PTPRN2: variants seen among roughly 807,000 people sequenced by gnomAD.
The protein encoded by PTPRN2 is receptor-type tyrosine-protein phosphatase N2.
Under a neutral mutation model 118.8 loss-of-function variants are expected in PTPRN2, and 74 were observed. That is an observed-to-expected ratio of 0.62 (90% CI 0.52 to 0.76). The LOEUF (loss-of-function observed/expected upper bound fraction) is 0.76, where lower values mean the gene tolerates loss of function less well. Ranked by LOEUF, PTPRN2 falls within the 30% of genes least tolerant of loss-of-function variation. The probability of loss-of-function intolerance (pLI) is 0.00; values close to 1 mark genes in which losing one functional copy is unlikely to be tolerated. For synonymous variants in PTPRN2, 641 were observed against 608.0 expected (o/e 1.05, Z -0.80); for missense variants, 1,481 against 1,394.4 (o/e 1.06, Z -0.99).
chr7:158,171,342 T>TAC (rs1823680725), intron 5 of PTPRN2, among the ~76,000 whole-genome samples: 6 of 124,862 alleles, frequency 4.8e-5, no homozygotes, highest in African/African-American at 1.6e-4. Context: ...TATATATATA[T>TAC]ATATATACAC....
chr7:157,575,254 T>A (rs777496207), intron 19 of PTPRN2, among the ~76,000 whole-genome samples: 1 of 152,252 alleles, frequency 6.6e-6, no homozygotes, highest in African/African-American at 2.4e-5. Flanking sequence ...GAAGACTCTA[T>A]TTCAGGAAAT....
At chr7:158,245,128 C>T (rs138793451) in intron 3 of PTPRN2, among the ~76,000 whole-genome samples, 21 of 152,310 alleles carry the variant, frequency 1.4e-4, no homozygotes, top group African/African-American at 3.4e-4. Flanking sequence ...ATGGTCATGC[C>T]GGAATCCGTG....
At chr7:158,504,294 C>A (rs2064121191) in intron 1 of PTPRN2, among the ~76,000 whole-genome samples, 1 of 152,116 alleles carries the variant, frequency 6.6e-6, no homozygotes, top group Admixed American at 6.5e-5. Flanking sequence ...CAGAGCATCC[C>A]CTCACCTGGG....
rs866614379 is a variant in PTPRN2, at chr7:157,866,820, G to A, written c.1788+31853C>T. Among the ~76,000 whole-genome samples the A allele has an allele frequency of 3.3e-3, 293 of 89,766 alleles. 6 individuals are homozygous for A. Among genetic ancestry groups the A allele is most frequent in the African/African-American group, 0.013 (270 of 21,400 alleles). The allele number at this position is 89,766 out of a possible 152,430, so 58.9% of individuals were successfully genotyped here. On this transcript the variant is annotated intron_variant, in intron 12 of 22. Transcript: ENST00000389418. Reference sequence around the variant, plus strand: ...CCCGCCCCCGACGCCCTGGATACATGGCCACCACCGCCCCCCCCCGACGCC... The same window carrying A: ...CCCGCCCCCGACGCCCTGGATACATAGCCACCACCGCCCCCCCCCGACGCC...
chr7:157,708,788 C>CTA (rs1382292220), intron 12 of PTPRN2, among the ~76,000 whole-genome samples: 7 of 152,068 alleles, frequency 4.6e-5, no homozygotes, highest in Admixed American at 4.6e-4. Flanking sequence ...CAAAGAATGG[C>CTA]TATAATCACC....
chr7:158,002,838 G>C (rs1227589802), intron 11 of PTPRN2, among the ~76,000 whole-genome samples: 1 of 152,218 alleles, frequency 6.6e-6, no homozygotes, highest in Admixed American at 6.5e-5. Context: ...AACAAGCCCC[G>C]TGAGGTGGGG....
chr7:158,549,040 G>C (rs1826473536), intron 1 of PTPRN2, among the ~76,000 whole-genome samples: 2 of 152,202 alleles, frequency 1.3e-5, no homozygotes, highest in Admixed American at 1.3e-4. Flanking sequence ...AGACAGCAGT[G>C]CCACCCCAGG....
intron 3 of PTPRN2, among the ~76,000 whole-genome samples, chr7:158,270,149 C>A (rs975788596): frequency 6.6e-6 from 1 of 152,226 alleles, no homozygotes; most frequent in African/African-American, 2.4e-5. Flanking sequence ...AGGACAGACG[C>A]CCCACAGCAA....
intron 12 of PTPRN2, among the ~76,000 whole-genome samples, chr7:157,896,997 CA>C (rs1224352983): frequency 6.6e-6 from 1 of 152,132 alleles, no homozygotes; most frequent in Non-Finnish European, 1.5e-5. Context: ...CCCACCTCCC[CA>C]CCCACCACAG....
At chr7:157,939,543 C>T (rs941820157) in intron 11 of PTPRN2, among the ~76,000 whole-genome samples, 16 of 152,252 alleles carry the variant, frequency 1.1e-4, no homozygotes, top group Non-Finnish European at 7.3e-5. Context: ...CAGCCACATC[C>T]CCAGTGGGGC....
intron 11 of PTPRN2, among the ~76,000 whole-genome samples, chr7:157,941,229 C>T (rs1175809092): frequency 1.2e-5 from 1 of 82,532 alleles, no homozygotes; most frequent in Non-Finnish European, 2.1e-5. Context: ...GCAAATCTAA[C>T]ACCCTCCCCA....
intron 12 of PTPRN2, chr7:157,857,996 C>T (rs1809852141): frequency 3.2e-5 from 5 of 156,002 alleles, no homozygotes; most frequent in Admixed American, 6.5e-5. Flanking sequence ...AGCCCTTTGT[C>T]GGGGGGCCTG....
intron 3 of PTPRN2, among the ~76,000 whole-genome samples, chr7:158,233,659 CCAAAGCAATCCTGA>C (rs529914762): frequency 1.5e-3 from 222 of 152,188 alleles, no homozygotes; most frequent in African/African-American, 5.1e-3. Context: ...CCCCAAATAC[CCAAAGCAATCCTGA>C]GCAAAAATAA....
intron 12 of PTPRN2, among the ~76,000 whole-genome samples, chr7:157,878,160 A>G (rs1795892600): frequency 6.6e-6 from 1 of 152,166 alleles, no homozygotes; most frequent in Admixed American, 6.5e-5. Context: ...TCCCCAAAAG[A>G]TACCCTCTTG....
At chr7:158,200,134 C>T (rs575365379) in intron 4 of PTPRN2, among the ~76,000 whole-genome samples, 6 of 152,270 alleles carry the variant, frequency 3.9e-5, no homozygotes, top group South Asian at 4.1e-4. Flanking sequence ...ACTCGCCCTC[C>T]GACCTGACCC....
chr7:158,194,911 C>T (rs1260088700), intron 4 of PTPRN2, among the ~76,000 whole-genome samples: 1 of 152,032 alleles, frequency 6.6e-6, no homozygotes, highest in Non-Finnish European at 1.5e-5. Flanking sequence ...AGCTCTGATG[C>T]GGTGTTGACA....
intron 2 of PTPRN2, among the ~76,000 whole-genome samples, chr7:158,369,040 A>C (rs567211925): frequency 8.4e-4 from 128 of 152,228 alleles, no homozygotes; most frequent in African/African-American, 2.9e-3. Flanking sequence ...AGTCGCTGGC[A>C]TGGCCAGAAT....
chr7:158,279,712 C>G (rs1799282065), intron 3 of PTPRN2, among the ~76,000 whole-genome samples: 1 of 151,976 alleles, frequency 6.6e-6, no homozygotes, highest in African/African-American at 2.4e-5. Context: ...ATCCGCGCTT[C>G]TCCCTCCACA....
intron 11 of PTPRN2, among the ~76,000 whole-genome samples, chr7:157,994,233 C>G (rs1408021124): frequency 6.6e-6 from 1 of 152,182 alleles, no homozygotes; most frequent in Non-Finnish European, 1.5e-5. Context: ...CTCTGAGCCA[C>G]TTAACACTGG....
Sources: allele counts gnomAD v4.1 joint callset (sites outside exome capture counted in the v4.1 genomes callset), GRCh38; gene constraint gnomAD v4.1.1; transcripts MANE v1.5; gene names NCBI Gene and HGNC (gene_info 2026-07-23, HGNC 2026-07-21).